CNTN5: variants seen among roughly 807,000 people sequenced by gnomAD.
CNTN5 encodes the protein contactin-5.
In CNTN5, 77 loss-of-function variants were observed where a neutral mutation model predicts 129.1. The observed-to-expected ratio is 0.60, with a 90% confidence interval of 0.50 to 0.72. The LOEUF is 0.72. Ranked by LOEUF, CNTN5 falls within the 30% of genes least tolerant of loss-of-function variation. The pLI, the probability that CNTN5 is intolerant of heterozygous loss-of-function variation, is 0.00. For missense variants in CNTN5, 1,478 were observed against 1,328.8 expected (o/e 1.11, Z -1.75); for synonymous variants, 509 against 465.6 (o/e 1.09, Z -1.20).
At chr11:99,322,677 G>T (rs1865620557) in intron 1 of CNTN5, among the ~76,000 whole-genome samples, 1 of 152,102 alleles carries the variant, frequency 6.6e-6, no homozygotes, top group African/African-American at 2.4e-5. Context: ...ATTCAAGACA[G>T]CCACTCTAGG....
At chr11:99,682,495 G>C (rs1384477839) in intron 3 of CNTN5, among the ~76,000 whole-genome samples, 1 of 151,864 alleles carries the variant, frequency 6.6e-6, no homozygotes, top group Non-Finnish European at 1.5e-5. Context: ...GAACAAACTT[G>C]TAAACTTTTC....
At chr11:100,105,889 A>G (rs568356855) in intron 13 of CNTN5, among the ~76,000 whole-genome samples, 9 of 152,290 alleles carry the variant, frequency 5.9e-5, no homozygotes, top group Admixed American at 2.0e-4. Flanking sequence ...TCAAAGGGAA[A>G]CAACTCTTAG....
At chr11:99,400,274 G>A (rs1941734237) in intron 2 of CNTN5, among the ~76,000 whole-genome samples, 3 of 152,018 alleles carry the variant, frequency 2.0e-5, no homozygotes, top group Non-Finnish European at 2.9e-5. Flanking sequence ...AACATGTAGT[G>A]TTTGTCTTTC....
chr11:99,769,552 T>C (rs1389841747), intron 3 of CNTN5, among the ~76,000 whole-genome samples: 1 of 152,106 alleles, frequency 6.6e-6, no homozygotes, highest in African/African-American at 2.4e-5. Context: ...TTGATTTGCC[T>C]TACATATAGA....
intron 15 of CNTN5, among the ~76,000 whole-genome samples, chr11:100,214,225 C>T (rs901079232): frequency 6.6e-6 from 1 of 151,818 alleles, no homozygotes; most frequent in Non-Finnish European, 1.5e-5. Context: ...CATTTTTGTT[C>T]ATTTCTTTCT....
chr11:99,210,167 A>G (rs1591362667), intron 1 of CNTN5, among the ~76,000 whole-genome samples: 2 of 152,276 alleles, frequency 1.3e-5, no homozygotes, highest in Admixed American at 6.5e-5. Context: ...TGTTGCAACC[A>G]GATATCATTC....
chr11:99,628,635 C>T (rs670367), intron 3 of CNTN5, among the ~76,000 whole-genome samples: 32,700 of 150,544 alleles, frequency 0.22, 3,943 homozygotes, highest in Middle Eastern at 0.34. Context: ...CACACACACA[C>T]ACACACACAC....
intron 3 of CNTN5, among the ~76,000 whole-genome samples, chr11:99,588,832 G>A (rs745365330): frequency 4.6e-5 from 7 of 152,164 alleles, no homozygotes; most frequent in South Asian, 2.1e-4. Flanking sequence ...TCCTGCCTGC[G>A]TTGGGAGCTA....
chr11:99,835,129 G>A (rs1044482165), intron 4 of CNTN5, among the ~76,000 whole-genome samples: 4 of 152,184 alleles, frequency 2.6e-5, no homozygotes, highest in African/African-American at 9.6e-5. Context: ...TTTGCTGTAC[G>A]TGGTTGCCCT....
At chr11:99,457,021 AC>A (rs1944521563) in intron 2 of CNTN5, among the ~76,000 whole-genome samples, 1 of 152,012 alleles carries the variant, frequency 6.6e-6, no homozygotes. Flanking sequence ...CCTTGCCCTA[AC>A]AGAATTTAAA....
At chr11:99,891,416 G>T (rs1313325176) in intron 6 of CNTN5, among the ~76,000 whole-genome samples, 1 of 151,960 alleles carries the variant, frequency 6.6e-6, no homozygotes, top group Non-Finnish European at 1.5e-5. Context: ...GTGCCATGGT[G>T]GTTTGCTGCA....
chr11:100,301,749 C>G (rs929795482), intron 20 of CNTN5, among the ~76,000 whole-genome samples: 2 of 151,626 alleles, frequency 1.3e-5, no homozygotes, highest in African/African-American at 4.8e-5. Flanking sequence ...ACTAGACCAT[C>G]TTGGGCAGTT....
intron 13 of CNTN5, among the ~76,000 whole-genome samples, chr11:100,132,142 CTGGT>C (rs1946396859): frequency 1.3e-5 from 2 of 152,200 alleles, no homozygotes; most frequent in African/African-American, 2.4e-5. Flanking sequence ...TAGTTGAACT[CTGGT>C]TGACCTCATT....
At chr11:100,175,956 A>C (rs1054107647) in intron 13 of CNTN5, among the ~76,000 whole-genome samples, 1 of 152,106 alleles carries the variant, frequency 6.6e-6, no homozygotes. Context: ...TATCCTATAA[A>C]AAGGTGCTTT....
At chr11:99,813,714 C>T (rs1036048148) in intron 3 of CNTN5, among the ~76,000 whole-genome samples, 3 of 151,978 alleles carry the variant, frequency 2.0e-5, no homozygotes, top group African/African-American at 7.2e-5. Context: ...AAAAAGTTTC[C>T]AGTGAAATAG....
chr11:99,839,194 A>T (rs1188586761), intron 4 of CNTN5, among the ~76,000 whole-genome samples: 1 of 152,216 alleles, frequency 6.6e-6, no homozygotes, highest in Non-Finnish European at 1.5e-5. Flanking sequence ...TAATGAGGAA[A>T]GAAATATCCG....
chr11:99,377,898 T>C (rs1022295912), intron 2 of CNTN5, among the ~76,000 whole-genome samples: 11 of 152,098 alleles, frequency 7.2e-5, no homozygotes, highest in African/African-American at 2.7e-4. Flanking sequence ...ACTTTAACAC[T>C]TTAATTTTAA....
At chr11:99,857,467 C>G (rs1444545749) in intron 6 of CNTN5, among the ~76,000 whole-genome samples, 8 of 152,044 alleles carry the variant, frequency 5.3e-5, no homozygotes, top group Non-Finnish European at 1.0e-4. Context: ...AATAGAGAAT[C>G]AAATCATACA....
At chr11:99,997,609 T>C (rs1308845563) in intron 8 of CNTN5, among the ~76,000 whole-genome samples, 1 of 152,116 alleles carries the variant, frequency 6.6e-6, no homozygotes, top group Non-Finnish European at 1.5e-5. Flanking sequence ...CTTCTGAAAT[T>C]ATTCCAATCA....
Sources: gnomAD v4.1 joint callset for allele counts (sites outside exome capture counted in the v4.1 genomes callset) on GRCh38, gnomAD v4.1.1 for gene constraint, MANE v1.5 for transcripts, NCBI Gene and HGNC (gene_info 2026-07-23, HGNC 2026-07-21) for gene names.